The following FUT9 variants were observed in gnomAD, a reference collection of about 807,000 sequenced individuals.
FUT9 encodes the protein fucosyltransferase 9.
FUT9 carries 15 observed loss-of-function variants against 29.7 expected under a neutral mutation model. That is an observed-to-expected ratio of 0.51 (90% CI 0.34 to 0.78). The LOEUF is 0.78. Ranked by LOEUF, FUT9 falls within the 30% of genes least tolerant of loss-of-function variation. FUT9 has a pLI of 0.01. For synonymous variants in FUT9, 169 were observed against 153.7 expected (o/e 1.10, Z -0.74); for missense variants, 319 against 425.4 (o/e 0.75, Z 2.20).
intron 1 of FUT9, among the ~76,000 whole-genome samples, chr6:96,085,394 A>G (rs1771299427): frequency 3.3e-5 from 5 of 152,192 alleles, no homozygotes; most frequent in Admixed American, 2.0e-4. Context: ...GAAAGAGACT[A>G]GCTAGCTCTT....
intron 1 of FUT9, among the ~76,000 whole-genome samples, chr6:96,077,660 G>T (rs1771161408): frequency 6.6e-6 from 1 of 152,038 alleles, no homozygotes; most frequent in African/African-American, 2.4e-5. Flanking sequence ...CTGGATTATT[G>T]TTTTCTGAGT....
chr6:96,099,662 A>G (rs1253713770), intron 1 of FUT9, among the ~76,000 whole-genome samples: 1 of 152,172 alleles, frequency 6.6e-6, no homozygotes, highest in East Asian at 1.9e-4. Context: ...GCCTGATAGT[A>G]ATAAATTTAT....
intron 2 of FUT9, among the ~76,000 whole-genome samples, chr6:96,126,943 C>T (rs1339517850): frequency 6.6e-6 from 1 of 152,100 alleles, no homozygotes; most frequent in Admixed American, 6.5e-5. Context: ...GCTTATCAAC[C>T]AAAATAATTC....
chr6:96,119,094 G>T (rs1322441198), intron 2 of FUT9, among the ~76,000 whole-genome samples: 1 of 151,976 alleles, frequency 6.6e-6, no homozygotes, highest in East Asian at 1.9e-4. Flanking sequence ...CTTTTTATAG[G>T]TTTAATATAG....
chr6:96,089,993 G>T (rs1338393465), intron 1 of FUT9, among the ~76,000 whole-genome samples: 3 of 152,022 alleles, frequency 2.0e-5, no homozygotes, highest in Non-Finnish European at 1.5e-5. Flanking sequence ...TGTATTATAG[G>T]AAGACTTGAC....
At chr6:96,178,897 C>T (rs1303930640) in intron 2 of FUT9, among the ~76,000 whole-genome samples, 1 of 151,976 alleles carries the variant, frequency 6.6e-6, no homozygotes, top group Non-Finnish European at 1.5e-5. Context: ...CATAAAATCA[C>T]ATGGTGAAAA....
chr6:96,122,719 T>A (rs1288853745), intron 2 of FUT9, among the ~76,000 whole-genome samples: 1 of 152,108 alleles, frequency 6.6e-6, no homozygotes, highest in Non-Finnish European at 1.5e-5. Context: ...ATTTGTCAAA[T>A]ATTTTGCTTT....
chr6:96,078,345 CT>C (rs1771173590), intron 1 of FUT9, among the ~76,000 whole-genome samples: 1 of 148,448 alleles, frequency 6.7e-6, no homozygotes, highest in African/African-American at 2.5e-5. Context: ...TTCAATACAC[CT>C]TTCCTCTTAT....
intron 1 of FUT9, among the ~76,000 whole-genome samples, chr6:96,091,129 C>T (rs72927960): frequency 0.042 from 6,425 of 152,018 alleles, 190 homozygotes; most frequent in South Asian, 0.12. Flanking sequence ...TTATAGATCA[C>T]TTTCTTAAGC....
At chr6:96,054,233 G>A (rs1031676402) in intron 1 of FUT9, among the ~76,000 whole-genome samples, 3 of 152,150 alleles carry the variant, frequency 2.0e-5, no homozygotes, top group African/African-American at 4.8e-5. Flanking sequence ...TTTACTCTGA[G>A]CTGGGTATTG....
At position 96,204,449 on chromosome 6, in the gene FUT9, G is replaced by A. The variant is rs1042763019; in HGVS notation, c.*214G>A. 1 of 343,032 alleles carries A rather than the reference G, an allele frequency of 2.9e-6. No homozygotes were observed. Among genetic ancestry groups the A allele is most frequent in the African/African-American group, 2.1e-5 (1 of 47,180 alleles). 21.2% of individuals were successfully genotyped at this position (343,032 alleles called of 1,614,324 possible). A position where few individuals can be genotyped will look rare whatever the true frequency, so the allele number is the denominator to read the frequency against. ...AATTATCCTGTATATACCTAATTAT[G>A]TGCACTGGAGAGTAATTTATTCTTC... is the stretch of plus-strand genomic sequence containing the variant. On this transcript the variant is annotated 3_prime_UTR_variant, in exon 3 of 3. Coordinates refer to ENST00000302103, the MANE Select transcript of FUT9 (RefSeq NM_006581.4).
intron 1 of FUT9, among the ~76,000 whole-genome samples, chr6:96,035,354 CCT>C (rs1313622911): frequency 2.0e-5 from 3 of 151,268 alleles, no homozygotes; most frequent in Admixed American, 6.6e-5. Flanking sequence ...TATTTACTCC[CCT>C]GTTTCTTTTC....
At chr6:96,143,545 C>T (rs1772505280) in intron 2 of FUT9, among the ~76,000 whole-genome samples, 1 of 151,908 alleles carries the variant, frequency 6.6e-6, no homozygotes. Flanking sequence ...CTCCTTTCCT[C>T]CCATCCCCTC....
intron 1 of FUT9, among the ~76,000 whole-genome samples, chr6:96,085,694 C>T (rs879658755): frequency 6.6e-6 from 1 of 152,148 alleles, no homozygotes; most frequent in Non-Finnish European, 1.5e-5. Context: ...ATAAATTCAA[C>T]TTCCCTTATC....
chr6:96,046,577 C>T (rs899170498), intron 1 of FUT9, among the ~76,000 whole-genome samples: 4 of 152,152 alleles, frequency 2.6e-5, no homozygotes, highest in African/African-American at 9.7e-5. Flanking sequence ...TGAAGACCTA[C>T]ACCCTAACTC....
At position 96,213,484 on chromosome 6, in the gene FUT9, G is replaced by T. The variant is rs1328567660; in HGVS notation, c.*9249G>T. ...TGTTTTATTAATGTGATGTAATTTT[G>T]CACTATTGTATTGTCATATTTAATC... On this transcript the variant is annotated 3_prime_UTR_variant, in exon 3 of 3. Coordinates refer to ENST00000302103, the MANE Select transcript of FUT9 (RefSeq NM_006581.4). 6.0e-6 allele frequency: 1 copy of T among 166,738 alleles called. No homozygotes were observed. Among genetic ancestry groups the T allele is most frequent in the African/African-American group, 2.4e-5 (1 of 41,398 alleles). The allele number at this position is 166,738 out of a possible 1,614,324, so 10.3% of individuals were successfully genotyped here. A position where few individuals can be genotyped will look rare whatever the true frequency, so the allele number is the denominator to read the frequency against.
chr6:96,116,696 A>G (rs1046034972), intron 2 of FUT9, among the ~76,000 whole-genome samples: 4 of 152,236 alleles, frequency 2.6e-5, no homozygotes, highest in Admixed American at 6.5e-5. Context: ...ATGACTGCAT[A>G]TTTAAGATAT....
At chr6:96,170,207 A>G (rs1298084975) in intron 2 of FUT9, among the ~76,000 whole-genome samples, 2 of 152,158 alleles carry the variant, frequency 1.3e-5, no homozygotes, top group Non-Finnish European at 2.9e-5. Flanking sequence ...ATAATTCAGG[A>G]AAATTGAGTT....
chr6:96,018,480 C>A (rs1770017987), intron 1 of FUT9, among the ~76,000 whole-genome samples: 1 of 151,760 alleles, frequency 6.6e-6, no homozygotes, highest in Non-Finnish European at 1.5e-5. Context: ...AGAAGATCTG[C>A]CAGGATTTAA....
Sources: allele counts gnomAD v4.1 joint callset (sites outside exome capture counted in the v4.1 genomes callset), GRCh38; gene constraint gnomAD v4.1.1; transcripts MANE v1.5; gene names NCBI Gene and HGNC (gene_info 2026-07-23, HGNC 2026-07-21).